PIP4K2A: variants seen among roughly 807,000 people sequenced by gnomAD.
PIP4K2A encodes the protein phosphatidylinositol 5-phosphate 4-kinase type-2 alpha.
Under a neutral mutation model 42.9 loss-of-function variants are expected in PIP4K2A, and 14 were observed. The ratio of observed to expected loss-of-function variants is 0.33; its 90% CI spans 0.22 to 0.51. The LOEUF (loss-of-function observed/expected upper bound fraction) is 0.51. PIP4K2A is among the 20% of genes least tolerant of loss of function. The pLI is 0.97. For synonymous variants in PIP4K2A, 192 were observed against 192.2 expected, an observed-to-expected ratio of 1.00 and a Z score of 0.01; for missense variants, 434 against 519.8, an observed-to-expected ratio of 0.83 and a Z score of 1.61.
At chr10:22,570,334 GAAC>G (rs1379160355) in intron 5 of PIP4K2A, among the ~76,000 whole-genome samples, 4 of 152,260 alleles carry the variant, frequency 2.6e-5, no homozygotes, top group Non-Finnish European at 5.9e-5. Flanking sequence ...AGTCATAAAA[GAAC>G]AACATGTGAC....
At chr10:22,683,203 T>C (rs1277212358) in intron 1 of PIP4K2A, among the ~76,000 whole-genome samples, 1 of 152,228 alleles carries the variant, frequency 6.6e-6, no homozygotes, top group Non-Finnish European at 1.5e-5. Flanking sequence ...CTATCTGAGC[T>C]GAAGACACCT....
intron 1 of PIP4K2A, among the ~76,000 whole-genome samples, chr10:22,613,703 C>A (rs961825398): frequency 5.5e-4 from 84 of 152,254 alleles, no homozygotes; most frequent in Non-Finnish European, 9.1e-4. Context: ...AGCTGAGCGT[C>A]ATCCACAGTT....
chr10:22,643,288 T>C (rs573121854), intron 1 of PIP4K2A, among the ~76,000 whole-genome samples: 10 of 152,316 alleles, frequency 6.6e-5, no homozygotes, highest in East Asian at 3.9e-4. Context: ...TAACGTTTTA[T>C]TGGAACAGAG....
At chr10:22,660,158 C>A (rs963927058) in intron 1 of PIP4K2A, among the ~76,000 whole-genome samples, 2 of 152,104 alleles carry the variant, frequency 1.3e-5, no homozygotes, top group Non-Finnish European at 2.9e-5. Context: ...CTGTGCCTGG[C>A]GCATAATCAG....
intron 6 of PIP4K2A, among the ~76,000 whole-genome samples, chr10:22,555,950 C>A (rs186151734): frequency 6.6e-6 from 1 of 151,608 alleles, no homozygotes; most frequent in Non-Finnish European, 1.5e-5. Context: ...AGAAAGTTTA[C>A]GGATTTGTAC....
At chr10:22,558,505 T>C (rs982889754) in intron 6 of PIP4K2A, among the ~76,000 whole-genome samples, 2 of 152,174 alleles carry the variant, frequency 1.3e-5, no homozygotes, top group Non-Finnish European at 2.9e-5. Context: ...ACAAATTTGA[T>C]ACATCAAAAG....
intron 1 of PIP4K2A, among the ~76,000 whole-genome samples, chr10:22,617,910 TA>T (rs1838213490): frequency 1.3e-5 from 2 of 152,176 alleles, no homozygotes. Context: ...GGGCCTATTT[TA>T]AAACATAATT....
intron 1 of PIP4K2A, among the ~76,000 whole-genome samples, chr10:22,638,677 A>C (rs548002925): frequency 6.6e-6 from 1 of 152,282 alleles, no homozygotes; most frequent in South Asian, 2.1e-4. Context: ...AGGGAAAAAA[A>C]CCCACTTTTC....
rs141629755 is a variant in PIP4K2A at position 22,573,320 on chromosome 10, G to A, written c.630C>T (p.Tyr210=). 1.3e-4 allele frequency: 205 copies of A among 1,612,668 alleles called. No individual in the cohort carries two copies. The highest frequency in any genetic ancestry group is 3.3e-4 in the Middle Eastern group (2 of 6,080). The change falls in exon 5 of 10, where the codon TAC becomes TAT. Residue 210 remains tyrosine, a synonymous_variant. Transcript: ENST00000376573. ...ATAAAATCAGTCTCACCTTTAAGTC[G>A]TATTTCCTATACACAGACAAACGGT... ...FSHRLSVYRK[Y]DLKGSTVARE... is the part of the protein sequence containing the mutation.
At chr10:22,671,513 T>C (rs1035720456) in intron 1 of PIP4K2A, among the ~76,000 whole-genome samples, 4 of 152,130 alleles carry the variant, frequency 2.6e-5, no homozygotes, top group African/African-American at 9.7e-5. Context: ...GGCACTGCGA[T>C]AAACAAGACT....
intron 1 of PIP4K2A, among the ~76,000 whole-genome samples, chr10:22,654,212 A>T (rs1162298608): frequency 1.3e-5 from 2 of 152,236 alleles, no homozygotes; most frequent in Non-Finnish European, 2.9e-5. Flanking sequence ...ATTTAATCTC[A>T]TAATTTTTAA....
chr10:22,693,661 A>C (rs1231009094), intron 1 of PIP4K2A, among the ~76,000 whole-genome samples: 1 of 152,126 alleles, frequency 6.6e-6, no homozygotes. Flanking sequence ...CCATCTGGGG[A>C]GCTTAGTCAT....
chr10:22,600,636 C>G (rs1194223345), intron 3 of PIP4K2A, among the ~76,000 whole-genome samples: 1 of 152,202 alleles, frequency 6.6e-6, no homozygotes, highest in Non-Finnish European at 1.5e-5. Flanking sequence ...CTGCTGACAG[C>G]TCAGGATTAT....
At chr10:22,696,004 G>A (rs906016640) in intron 1 of PIP4K2A, among the ~76,000 whole-genome samples, 10 of 152,132 alleles carry the variant, frequency 6.6e-5, no homozygotes, top group Admixed American at 3.3e-4. Flanking sequence ...GACTGCATGC[G>A]CAATATTTTT....
chr10:22,627,742 T>C (rs185263062), intron 1 of PIP4K2A, among the ~76,000 whole-genome samples: 1 of 151,954 alleles, frequency 6.6e-6, no homozygotes, highest in African/African-American at 2.4e-5. Context: ...GTGTGCAAGG[T>C]CTTTTACTGT....
chr10:22,649,173 G>A (rs114809617), intron 1 of PIP4K2A, among the ~76,000 whole-genome samples: 2,422 of 152,196 alleles, frequency 0.016, 63 homozygotes, highest in African/African-American at 0.055. Flanking sequence ...AGAAGGCTTC[G>A]CCAGATTCTA....
intron 1 of PIP4K2A, among the ~76,000 whole-genome samples, chr10:22,634,993 T>C (rs1039620710): frequency 2.6e-5 from 4 of 152,086 alleles, no homozygotes; most frequent in Non-Finnish European, 4.4e-5. Context: ...TTTAGAGATC[T>C]ATATAGTAAC....
intron 4 of PIP4K2A, among the ~76,000 whole-genome samples, chr10:22,583,032 G>T (rs1308786314): frequency 6.6e-6 from 1 of 151,996 alleles, no homozygotes; most frequent in Non-Finnish European, 1.5e-5. Context: ...TTCTTCTGTA[G>T]TGTTTACACA....
At chr10:22,701,428 C>T (rs1833713731) in intron 1 of PIP4K2A, among the ~76,000 whole-genome samples, 1 of 152,196 alleles carries the variant, frequency 6.6e-6, no homozygotes, top group African/African-American at 2.4e-5. Flanking sequence ...TCTACCACAT[C>T]TATACCTGGT....
Sources: allele counts gnomAD v4.1 joint callset (sites outside exome capture counted in the v4.1 genomes callset), GRCh38; gene constraint gnomAD v4.1.1; transcripts MANE v1.5; gene names NCBI Gene and HGNC (gene_info 2026-07-23, HGNC 2026-07-21).